The following CDH18 variants were observed in gnomAD, a reference collection of about 807,000 sequenced individuals.
CDH18 encodes cadherin-18.
Under a neutral mutation model 67.9 loss-of-function variants are expected in CDH18, and 31 were observed. The observed-to-expected ratio is 0.46, with a 90% CI of 0.34 to 0.62. The LOEUF (loss-of-function observed/expected upper bound fraction) is 0.62. Among genes scored for constraint, CDH18 ranks in the 20% least tolerant of loss-of-function variants. The pLI is 0.01. For synonymous variants in CDH18, 362 were observed against 347.2 expected, an observed-to-expected ratio of 1.04 and a Z score of -0.48; for missense variants, 890 against 975.5, an observed-to-expected ratio of 0.91 and a Z score of 1.17.
intron 2 of CDH18, among the ~76,000 whole-genome samples, chr5:20,200,024 G>T (rs753764313): frequency 6.6e-6 from 1 of 152,092 alleles, no homozygotes; most frequent in Admixed American, 6.5e-5. Flanking sequence ...TCAGTCTTGG[G>T]TATTTCTTCA....
rs776675059 is a variant in CDH18 at position 20,568,894 on chromosome 5, G to C, written c.-580+6568C>G. On this transcript the variant is annotated intron_variant, in intron 1 of 14. Transcript: ENST00000507958. Reference sequence around the variant, plus strand: ...TTAAATTCAAATAAATGCACCAAAGGGGGGCATAAGAAAATCTCTAACTCG... The same window carrying C: ...TTAAATTCAAATAAATGCACCAAAGCGGGGCATAAGAAAATCTCTAACTCG... Among the ~76,000 whole-genome samples, 27 of 152,234 alleles carry C rather than the reference G, an allele frequency of 1.8e-4. No individual in the cohort carries two copies. In the South Asian group the frequency reaches 5.2e-3, roughly 29 times the overall value.
intron 5 of CDH18, among the ~76,000 whole-genome samples, chr5:19,657,666 A>G (rs1484267473): frequency 6.6e-6 from 1 of 152,188 alleles, no homozygotes; most frequent in African/African-American, 2.4e-5. Context: ...TTGCTGAATT[A>G]GATTTAAATG....
chr5:19,731,373 C>T (rs1039306246), intron 4 of CDH18, among the ~76,000 whole-genome samples: 1 of 152,072 alleles, frequency 6.6e-6, no homozygotes, highest in African/African-American at 2.4e-5. Context: ...ATGGCATGAA[C>T]CTGGGAGGCA....
At chr5:20,520,450 T>C (rs1176158166) in intron 1 of CDH18, among the ~76,000 whole-genome samples, 1 of 152,036 alleles carries the variant, frequency 6.6e-6, no homozygotes, top group Admixed American at 6.6e-5. Context: ...TGGCATAAGT[T>C]TGTACCACAC....
chr5:19,940,277 A>G (rs892375533), intron 2 of CDH18, among the ~76,000 whole-genome samples: 3 of 151,824 alleles, frequency 2.0e-5, no homozygotes, highest in African/African-American at 7.2e-5. Context: ...CCACCAAGTC[A>G]ATAGGTTCTA....
At chr5:19,958,367 T>C (rs1016817870) in intron 2 of CDH18, among the ~76,000 whole-genome samples, 3 of 119,564 alleles carry the variant, frequency 2.5e-5, no homozygotes, top group Non-Finnish European at 5.3e-5. Flanking sequence ...AATAGGATGA[T>C]CTTTCCTTCA....
chr5:19,619,079 T>A (rs1750296685), intron 5 of CDH18, among the ~76,000 whole-genome samples: 1 of 152,154 alleles, frequency 6.6e-6, no homozygotes, highest in African/African-American at 2.4e-5. Flanking sequence ...CAAACGATTT[T>A]ATGAAGATAA....
chr5:20,225,094 T>C (rs1244957003), intron 2 of CDH18, among the ~76,000 whole-genome samples: 1 of 152,106 alleles, frequency 6.6e-6, no homozygotes. Flanking sequence ...CTTTTCGTCA[T>C]TTTCTTCAGA....
chr5:19,747,213 A>G lies in CDH18; in HGVS notation c.252T>C (p.Gly84=). ...VGKLHSNSDK[G]DGSVKYILTG... ...TAAGGATGTACTTGACAGATCCATC[A>G]CCTTTGTCAGAATTGGAGTGCAGCT... The change falls in exon 4 of 13, where the codon GGT becomes GGC. Residue 84 remains glycine (G), a synonymous_variant. Transcript: ENST00000382275. 1 of 1,613,678 alleles carries G rather than the reference A, an allele frequency of 6.2e-7. No homozygotes were observed. The highest frequency in any genetic ancestry group is 1.7e-4 in the Middle Eastern group (1 of 6,060).
intron 2 of CDH18, among the ~76,000 whole-genome samples, chr5:20,197,857 C>G (rs913768423): frequency 6.6e-6 from 1 of 152,180 alleles, no homozygotes; most frequent in Non-Finnish European, 1.5e-5. Context: ...TGTCCCCACT[C>G]AAATCTCACT....
rs531592814 is a variant in CDH18, at chr5:19,867,696, AT to A, written c.-256-28455del. 1.8e-4 allele frequency among the ~76,000 whole-genome samples: 27 copies of A among 152,216 alleles called. 1 individual carries two copies. In the East Asian group the frequency reaches 5.2e-3, roughly 29 times the overall value. On this transcript the variant is annotated intron_variant, in intron 2 of 12. Transcript: ENST00000382275. Reference sequence around the variant, plus strand: ...ATATGCATAATATGTATAATAAGATATGCATATAATAATACAGCCAACACAA... The same window carrying A: ...ATATGCATAATATGTATAATAAGATAGCATATAATAATACAGCCAACACAA...
intron 1 of CDH18, among the ~76,000 whole-genome samples, chr5:20,314,341 T>A (rs1044632150): frequency 1.3e-5 from 2 of 152,038 alleles, no homozygotes; most frequent in Admixed American, 6.6e-5. Flanking sequence ...TAAACTCCAG[T>A]ACAAAGTGCC....
chr5:20,172,005 A>C (rs1196786339), intron 2 of CDH18, among the ~76,000 whole-genome samples: 9 of 149,980 alleles, frequency 6.0e-5, no homozygotes, highest in Non-Finnish European at 1.2e-4. Context: ...CTTATTTTGT[A>C]AGCTTTGTCA....
chr5:19,696,587 G>A (rs867384323), intron 5 of CDH18, among the ~76,000 whole-genome samples: 2 of 151,670 alleles, frequency 1.3e-5, no homozygotes, highest in Non-Finnish European at 2.9e-5. Flanking sequence ...GTAGAGACGA[G>A]GTTTCACCAT....
chr5:19,960,850 C>T (rs566569904), intron 2 of CDH18, among the ~76,000 whole-genome samples: 2 of 149,850 alleles, frequency 1.3e-5, no homozygotes, highest in East Asian at 2.0e-4. Flanking sequence ...TATGTAAACA[C>T]TGTATGTAAA....
intron 2 of CDH18, among the ~76,000 whole-genome samples, chr5:20,045,650 A>C (rs552324225): frequency 1.8e-4 from 28 of 152,162 alleles, no homozygotes; most frequent in Admixed American, 5.2e-4. Context: ...AGGTAAGGAA[A>C]TAGAGAGTGG....
At chr5:20,259,302 C>T (rs1251085540) in intron 1 of CDH18, among the ~76,000 whole-genome samples, 1 of 152,060 alleles carries the variant, frequency 6.6e-6, no homozygotes, top group Non-Finnish European at 1.5e-5. Context: ...TTAGCAAAAC[C>T]ATGTACTGTC....
At chr5:19,939,840 ACT>A (rs1286912499) in intron 2 of CDH18, among the ~76,000 whole-genome samples, 1 of 151,910 alleles carries the variant, frequency 6.6e-6, no homozygotes, top group Admixed American at 6.6e-5. Flanking sequence ...GACTGGAAAG[ACT>A]CATCAATTTA....
chr5:20,518,252 C>T (rs1755499131), intron 1 of CDH18, among the ~76,000 whole-genome samples: 1 of 152,070 alleles, frequency 6.6e-6, no homozygotes, highest in Non-Finnish European at 1.5e-5. Context: ...CATCAGCTTC[C>T]TTCCTTCTTC....
Sources: allele counts gnomAD v4.1 joint callset (sites outside exome capture counted in the v4.1 genomes callset), GRCh38; gene constraint gnomAD v4.1.1; transcripts MANE v1.5; gene names NCBI Gene and HGNC (gene_info 2026-07-23, HGNC 2026-07-21).